Variants in GPM6A observed in about 807,000 individuals in gnomAD.
The protein encoded by GPM6A is glycoprotein M6A, also known as neuronal membrane glycoprotein M6-a.
GPM6A carries 7 observed loss-of-function variants against 32.1 expected under a neutral mutation model. That is an observed-to-expected ratio of 0.22 (90% CI 0.12 to 0.41). The LOEUF (loss-of-function observed/expected upper bound fraction) is 0.41, where lower values mean the gene tolerates loss of function less well. Ranked by LOEUF, GPM6A falls within the 10% of genes least tolerant of loss-of-function variation. The pLI is 1.00. For missense variants in GPM6A, 235 were observed against 347.2 expected, an observed-to-expected ratio of 0.68 and a Z score of 2.57; for synonymous variants, 130 against 123.4, an observed-to-expected ratio of 1.05 and a Z score of -0.35.
intron 1 of GPM6A, among the ~76,000 whole-genome samples, chr4:175,779,616 T>A (rs1733535050): frequency 6.6e-6 from 1 of 152,176 alleles, no homozygotes; most frequent in African/African-American, 2.4e-5. Flanking sequence ...AGGGACAGTC[T>A]GCTCCACGCA....
intron 1 of GPM6A, among the ~76,000 whole-genome samples, chr4:175,756,918 T>C (rs1257564978): frequency 6.6e-6 from 1 of 151,970 alleles, no homozygotes; most frequent in Non-Finnish European, 1.5e-5. Flanking sequence ...ATTAGTTATC[T>C]TATGAAGAAA....
chr4:175,889,501 G>A (rs1338301264), intron 1 of GPM6A, among the ~76,000 whole-genome samples: 2 of 142,706 alleles, frequency 1.4e-5, no homozygotes, highest in Non-Finnish European at 3.0e-5. Flanking sequence ...CTGAGTGACA[G>A]AGCAAAACCC....
chr4:175,923,157 G>A (rs1217107137), intron 1 of GPM6A, among the ~76,000 whole-genome samples: 2 of 149,710 alleles, frequency 1.3e-5, no homozygotes, highest in Admixed American at 6.7e-5. Flanking sequence ...AGGTTAAACA[G>A]TTATTACAAA....
intron 1 of GPM6A, among the ~76,000 whole-genome samples, chr4:175,904,046 A>G (rs1738048569): frequency 6.6e-6 from 1 of 152,172 alleles, no homozygotes; most frequent in African/African-American, 2.4e-5. Flanking sequence ...TTCTATGTGG[A>G]TGGAGTAAAA....
intron 4 of GPM6A, among the ~76,000 whole-genome samples, chr4:175,644,121 G>GTTTTTTTTTTTTTTTTTTTTTTTT (rs781755092): frequency 1.8e-5 from 2 of 110,378 alleles, no homozygotes; most frequent in Non-Finnish European, 3.6e-5. Flanking sequence ...TTTTCCGTTT[G>GTTTTTTTTTTTTTTTTTTTTTTTT]TTTTTTTTTT....
intron 2 of GPM6A, among the ~76,000 whole-genome samples, chr4:175,682,963 A>C (rs1043537077): frequency 6.6e-6 from 1 of 152,190 alleles, no homozygotes; most frequent in Non-Finnish European, 1.5e-5. Flanking sequence ...GCCTAGTGGA[A>C]CTGTGAGAAG....
At chr4:175,697,159 G>A (rs1030974058) in intron 2 of GPM6A, among the ~76,000 whole-genome samples, 1 of 152,130 alleles carries the variant, frequency 6.6e-6, no homozygotes, top group African/African-American at 2.4e-5. Context: ...GAGTAAGACT[G>A]TTCCTTGCCC....
chr4:175,795,212 A>G (rs1023881177), intron 1 of GPM6A, among the ~76,000 whole-genome samples: 7 of 152,182 alleles, frequency 4.6e-5, no homozygotes, highest in African/African-American at 1.7e-4. Context: ...GAAGTCAAGA[A>G]CCAAGGATGT....
chr4:175,686,362 T>C (rs540451204), intron 2 of GPM6A, among the ~76,000 whole-genome samples: 1 of 152,328 alleles, frequency 6.6e-6, no homozygotes, highest in East Asian at 1.9e-4. Context: ...TTACTTAACA[T>C]GGCAAAGGAG....
intron 4 of GPM6A, among the ~76,000 whole-genome samples, chr4:175,648,714 C>G (rs1007282823): frequency 6.6e-6 from 1 of 152,148 alleles, no homozygotes. Context: ...GGCTCTTGGC[C>G]CCTTTTCTCC....
At chr4:175,760,796 T>C (rs992740960) in intron 1 of GPM6A, among the ~76,000 whole-genome samples, 2 of 151,674 alleles carry the variant, frequency 1.3e-5, no homozygotes, top group African/African-American at 4.8e-5. Flanking sequence ...TGCTTAAGGA[T>C]AAAACAACAG....
intron 1 of GPM6A, chr4:175,798,512 A>C (rs1453882168): frequency 2.0e-5 from 3 of 152,344 alleles, no homozygotes; most frequent in African/African-American, 7.2e-5. Context: ...GAGACACTTA[A>C]CTTAGATTTA....
intron 1 of GPM6A, among the ~76,000 whole-genome samples, chr4:175,881,320 C>T (rs1340350853): frequency 2.6e-5 from 4 of 152,004 alleles, no homozygotes; most frequent in African/African-American, 4.8e-5. Context: ...GTTAGAATGG[C>T]GATCATTAAA....
intron 1 of GPM6A, among the ~76,000 whole-genome samples, chr4:175,803,974 T>C (rs1167645877): frequency 6.6e-6 from 1 of 152,176 alleles, no homozygotes; most frequent in African/African-American, 2.4e-5. Context: ...AATGGTTTTT[T>C]TTTTTAACTT....
intron 1 of GPM6A, among the ~76,000 whole-genome samples, chr4:175,835,627 G>GTATATATATATA (rs35980764): frequency 7.6e-4 from 105 of 138,620 alleles, no homozygotes; most frequent in Middle Eastern, 3.9e-3. Context: ...GTGAGTGTGT[G>GTATATATATATA]TATATATATA....
intron 1 of GPM6A, among the ~76,000 whole-genome samples, chr4:175,937,254 T>C (rs1192313634): frequency 1.3e-5 from 2 of 152,168 alleles, no homozygotes; most frequent in Admixed American, 6.5e-5. Context: ...CTTTTCATTG[T>C]AGCATTCTTT....
intron 3 of GPM6A, among the ~76,000 whole-genome samples, chr4:175,665,043 G>A (rs1742659298): frequency 6.6e-6 from 1 of 152,124 alleles, no homozygotes; most frequent in African/African-American, 2.4e-5. Context: ...AAAAAGTACA[G>A]TAAAAATATG....
In GPM6A at chr4:175,922,133, G is replaced by T. The variant is rs953269618; in HGVS notation, c.-23+80176C>A. Among the ~76,000 whole-genome samples the T allele has an allele frequency of 2.2e-4, 34 of 152,174 alleles. 1 individual carries two copies. Among genetic ancestry groups the T allele is most frequent in the Admixed American group, 2.2e-3 (34 of 15,280 alleles). The stretch of plus-strand genomic sequence containing the variant: ...TAAAATGGAGCTTCTAATACATCAG[G>T]ATTAATGTGAAGGGTTAATGTGAAG... On this transcript the variant is annotated intron_variant, in intron 1 of 7. Coordinates refer to the GPM6A transcript ENST00000280187.
intron 1 of GPM6A, among the ~76,000 whole-genome samples, chr4:175,984,259 T>C (rs1740902025): frequency 6.6e-6 from 1 of 152,096 alleles, no homozygotes; most frequent in South Asian, 2.1e-4. Context: ...GCCTCCCAGG[T>C]TCAAGAGATT....
Sources: allele counts gnomAD v4.1 joint callset (sites outside exome capture counted in the v4.1 genomes callset), GRCh38; gene constraint gnomAD v4.1.1; transcripts MANE v1.5; gene names NCBI Gene and HGNC (gene_info 2026-07-23, HGNC 2026-07-21).